SOX6: variants seen among roughly 807,000 people sequenced by gnomAD.
SOX6 encodes SRY-box transcription factor 6, also known as transcription factor SOX-6.
A neutral mutation model predicts 97.8 loss-of-function variants in SOX6; 11 were observed. The observed-to-expected ratio is 0.11, with a 90% confidence interval of 0.07 to 0.19. SOX6 has a LOEUF of 0.19. Ranked by LOEUF, SOX6 falls within the 10% of genes least tolerant of loss-of-function variation. The probability of loss-of-function intolerance (pLI) is 1.00; values close to 1 mark genes in which losing one functional copy is unlikely to be tolerated. For missense variants in SOX6, 810 were observed against 1,039.5 expected (o/e 0.78, Z 3.04); for synonymous variants, 360 against 371.4 (o/e 0.97, Z 0.35).
At chr11:16,538,597 C>A (rs1033999715) in intron 4 of SOX6, among the ~76,000 whole-genome samples, 5 of 151,978 alleles carry the variant, frequency 3.3e-5, no homozygotes, top group Non-Finnish European at 7.4e-5. Flanking sequence ...TGCAGAGACA[C>A]ACATAGGCTC....
At chr11:16,470,529 T>C (rs1860123564) in intron 1 of SOX6, among the ~76,000 whole-genome samples, 1 of 152,122 alleles carries the variant, frequency 6.6e-6, no homozygotes, top group African/African-American at 2.4e-5. Context: ...TAGGAAAATA[T>C]CAGGGAGGAC....
intron 2 of SOX6, among the ~76,000 whole-genome samples, chr11:16,339,341 T>C (rs1005487995): frequency 1.3e-4 from 20 of 152,080 alleles, no homozygotes; most frequent in African/African-American, 4.8e-4. Flanking sequence ...TATCTTATCC[T>C]ATATTGCATC....
In SOX6 at chr11:16,182,505, C is replaced by G. The variant is rs144265894; in HGVS notation, c.777+1381G>C. Among the ~76,000 whole-genome samples the G allele has an allele frequency of 3.0e-4, 46 of 151,814 alleles. No homozygotes were observed. The East Asian group carries it at 4.3e-3, about 14-fold the overall frequency. On this transcript the variant is annotated intron_variant, in intron 6 of 15. Coordinates refer to ENST00000683767, the MANE Select transcript of SOX6 (RefSeq NM_001367873.1). ...AGGGCAGAACAAGGGAACACCTGGA[C>G]AGTTATTTAATTAAGGGTCTCAGCA...
chr11:16,014,914 A>T, intron 13 of SOX6, 28 bp downstream of exon 13: 1 of 1,590,518 alleles, frequency 6.3e-7, no homozygotes, highest in South Asian at 1.1e-5. Context: ...ATGGAGCAGC[A>T]GAAAAGAACT....
chr11:16,385,166 G>A (rs1857944127), intron 1 of SOX6, among the ~76,000 whole-genome samples: 1 of 152,074 alleles, frequency 6.6e-6, no homozygotes, highest in Admixed American at 6.6e-5. Flanking sequence ...CAGTCACACA[G>A]TTAATCTGTG....
intron 4 of SOX6, among the ~76,000 whole-genome samples, chr11:16,190,441 A>G (rs537969671): frequency 1.3e-5 from 2 of 152,214 alleles, no homozygotes; most frequent in Non-Finnish European, 2.9e-5. Flanking sequence ...AATAACACAA[A>G]TAAAACAACA....
chr11:16,082,180 A>G lies in SOX6; in HGVS notation c.1101+13816T>C, dbSNP rs1848486834. Among the ~76,000 whole-genome samples, 3 of 152,094 alleles carry G rather than the reference A, an allele frequency of 2.0e-5. 1 individual carries two copies. In the South Asian group the frequency reaches 6.2e-4, roughly 31 times the overall value. On this transcript the variant is annotated intron_variant, in intron 9 of 15. Transcript: ENST00000683767. The stretch of plus-strand genomic sequence containing the variant: ...TCCCTTCTGGTTGGTCCTCTTCTGG[A>G]AAGTCTGAGTTAATCCACAGCTGTG...
chr11:16,348,425 T>C (rs1005879918), intron 1 of SOX6, among the ~76,000 whole-genome samples: 1 of 152,114 alleles, frequency 6.6e-6, no homozygotes, highest in Non-Finnish European at 1.5e-5. Context: ...CAAATCTAAA[T>C]TTTTCAACAG....
intron 3 of SOX6, among the ~76,000 whole-genome samples, chr11:16,635,754 A>G (rs541625684): frequency 1.3e-5 from 2 of 152,284 alleles, no homozygotes; most frequent in African/African-American, 4.8e-5. Flanking sequence ...TCTTGTGTGC[A>G]GCCTCTGGAC....
At chr11:16,276,643 G>C (rs1213573132) in intron 3 of SOX6, among the ~76,000 whole-genome samples, 2 of 152,180 alleles carry the variant, frequency 1.3e-5, no homozygotes, top group African/African-American at 4.8e-5. Flanking sequence ...TAATGATAAA[G>C]GGAAGGCCAG....
chr11:16,525,120 G>A (rs1167777699), intron 4 of SOX6, among the ~76,000 whole-genome samples: 1 of 152,026 alleles, frequency 6.6e-6, no homozygotes, highest in Non-Finnish European at 1.5e-5. Flanking sequence ...TCACAGAATT[G>A]GAAAAAACTA....
At chr11:16,078,026 T>C (rs1437402325) in intron 9 of SOX6, among the ~76,000 whole-genome samples, 1 of 152,228 alleles carries the variant, frequency 6.6e-6, no homozygotes, top group African/African-American at 2.4e-5. Flanking sequence ...TAAAATATGT[T>C]AACATATAAT....
intron 3 of SOX6, chr11:16,313,518 G>A (rs1855669247): frequency 6.6e-6 from 1 of 152,124 alleles, no homozygotes; most frequent in Non-Finnish European, 1.5e-5. Context: ...CAAATGAGGA[G>A]ATGGACCTGG....
At chr11:16,594,982 G>A (rs964171752) in intron 4 of SOX6, among the ~76,000 whole-genome samples, 1 of 152,070 alleles carries the variant, frequency 6.6e-6, no homozygotes, top group East Asian at 1.9e-4. Flanking sequence ...GTGAGCCACC[G>A]CGCCCGGCCT....
At chr11:16,549,924 G>A (rs1033589216) in intron 4 of SOX6, among the ~76,000 whole-genome samples, 2 of 152,160 alleles carry the variant, frequency 1.3e-5, no homozygotes, top group African/African-American at 2.4e-5. Context: ...TATGAACAGT[G>A]GTTGTCAGGG....
In SOX6 at chr11:16,215,013, G is replaced by A. The variant is rs529060346; in HGVS notation, c.535+19569C>T. On this transcript the variant is annotated intron_variant, in intron 4 of 15. Coordinates refer to ENST00000683767, the MANE Select transcript of SOX6 (RefSeq NM_001367873.1). The stretch of plus-strand genomic sequence containing the variant: ...TCAGCTGACCTCGGCCTCCCAAAGT[G>A]CTGGGATTACAGGCGTGAGCCATCG... 9.2e-5 allele frequency among the ~76,000 whole-genome samples: 14 copies of A among 152,220 alleles called. No homozygotes were observed. The East Asian group carries it at 2.1e-3, about 23-fold the overall frequency.
At chr11:16,608,739 T>A (rs1848364291) in intron 4 of SOX6, among the ~76,000 whole-genome samples, 1 of 152,180 alleles carries the variant, frequency 6.6e-6, no homozygotes, top group African/African-American at 2.4e-5. Context: ...CACCAAAAAA[T>A]TATTACACTT....
chr11:16,627,191 T>C (rs1460895732), intron 3 of SOX6, among the ~76,000 whole-genome samples: 6 of 152,244 alleles, frequency 3.9e-5, no homozygotes, highest in African/African-American at 1.4e-4. Flanking sequence ...CTATGTTGTA[T>C]ACATACCACA....
Position 15,973,120 on chromosome 11 carries a change from G to C in SOX6, c.2184-8C>G. On this transcript the variant is annotated splice_region_variant and splice_polypyrimidine_tract_variant and intron_variant, in intron 15 of 15. Coordinates refer to ENST00000683767, the MANE Select transcript of SOX6 (RefSeq NM_001367873.1). ...GGAATCTGAGGCTGTTGCCTATATA[G>C]ATTCAAGAAACAAAATCAGACAAGG... 1.9e-6 allele frequency: 3 copies of C among 1,613,700 alleles called. No individual in the cohort carries two copies. The highest frequency in any genetic ancestry group is 2.5e-6 in the Non-Finnish European group (3 of 1,179,944).
Sources: gnomAD v4.1 joint callset for allele counts (sites outside exome capture counted in the v4.1 genomes callset) on GRCh38, gnomAD v4.1.1 for gene constraint, MANE v1.5 for transcripts, NCBI Gene and HGNC (gene_info 2026-07-23, HGNC 2026-07-21) for gene names.